The following LRRC1 variants were observed in gnomAD, a reference collection of about 807,000 sequenced individuals.
The protein encoded by LRRC1 is leucine rich repeat containing 1, also known as leucine-rich repeat-containing protein 1.
Under a neutral mutation model 69.9 loss-of-function variants are expected in LRRC1, and 28 were observed. The ratio of observed to expected loss-of-function variants is 0.40; its 90% CI spans 0.30 to 0.55. The LOEUF is 0.55. Ranked by LOEUF, LRRC1 falls within the 20% of genes least tolerant of loss-of-function variation. The probability of loss-of-function intolerance (pLI) is 0.47; values close to 1 mark genes in which losing one functional copy is unlikely to be tolerated. For synonymous variants in LRRC1, 236 were observed against 240.2 expected (o/e 0.98, Z 0.16); for missense variants, 498 against 609.0 (o/e 0.82, Z 1.92).
intron 2 of LRRC1, among the ~76,000 whole-genome samples, chr6:53,873,591 G>A (rs1766971026): frequency 6.6e-6 from 1 of 152,030 alleles, no homozygotes; most frequent in African/African-American, 2.4e-5. Context: ...GAGCCACCAT[G>A]CCCGGCCGGG....
Position 53,923,020 on chromosome 6 carries a change from G to C in LRRC1, c.*227G>C. On this transcript the variant is annotated 3_prime_UTR_variant, in exon 14 of 14. Transcript: ENST00000370888. ...ATTTTTTTTTTTTTTAATTTCAGTTGTTTGTAATAAGTAGAATACACTACT... is the reference window on the plus strand; with the variant it reads ...ATTTTTTTTTTTTTTAATTTCAGTTCTTTGTAATAAGTAGAATACACTACT... The C allele has an allele frequency of 2.2e-6, 1 of 445,290 alleles. No homozygotes were observed. Among genetic ancestry groups the C allele is most frequent in the African/African-American group, 2.0e-5 (1 of 50,972 alleles). 27.6% of individuals were successfully genotyped at this position (445,290 alleles called of 1,614,324 possible).
At chr6:53,872,964 C>G (rs1766943412) in intron 2 of LRRC1, among the ~76,000 whole-genome samples, 1 of 151,892 alleles carries the variant, frequency 6.6e-6, no homozygotes, top group Non-Finnish European at 1.5e-5. Context: ...ACCATGTTGG[C>G]CAATCTGGTC....
At chr6:53,916,421 T>C (rs746849231) in intron 11 of LRRC1, among the ~76,000 whole-genome samples, 2 of 152,158 alleles carry the variant, frequency 1.3e-5, no homozygotes, top group Non-Finnish European at 2.9e-5. Flanking sequence ...GAATGAGATA[T>C]TTCTCTGTGC....
chr6:53,853,952 A>G (rs957157121), intron 2 of LRRC1, among the ~76,000 whole-genome samples: 17 of 152,194 alleles, frequency 1.1e-4, no homozygotes, highest in Non-Finnish European at 1.5e-5. Flanking sequence ...ATTTTCTGAT[A>G]TGGGTGCTGA....
chr6:53,859,991 C>G (rs936998214), intron 2 of LRRC1, among the ~76,000 whole-genome samples: 1 of 152,122 alleles, frequency 6.6e-6, no homozygotes, highest in Admixed American at 6.5e-5. Flanking sequence ...ACTTCCACCT[C>G]AGCAAAAGCT....
At chr6:53,901,687 C>T (rs138947815) in intron 8 of LRRC1, among the ~76,000 whole-genome samples, 3 of 152,144 alleles carry the variant, frequency 2.0e-5, no homozygotes, top group South Asian at 2.1e-4. Context: ...TGAGATGTTT[C>T]GGTGCTTGGC....
chr6:53,889,682 A>G (rs550935287), intron 4 of LRRC1, among the ~76,000 whole-genome samples: 2 of 152,286 alleles, frequency 1.3e-5, no homozygotes, highest in South Asian at 2.1e-4. Context: ...TCTTTTCGGT[A>G]TGATGAAAAT....
At chr6:53,840,931 T>TGC (rs1554181927) in intron 1 of LRRC1, among the ~76,000 whole-genome samples, 76 of 123,978 alleles carry the variant, frequency 6.1e-4, no homozygotes, top group African/African-American at 2.1e-3. Flanking sequence ...TGTGTGTGCG[T>TGC]GCGCGCACAT....
At chr6:53,802,673 G>A (rs1041427222) in intron 1 of LRRC1, among the ~76,000 whole-genome samples, 2 of 152,188 alleles carry the variant, frequency 1.3e-5, no homozygotes, top group Non-Finnish European at 2.9e-5. Context: ...AAATGTACCA[G>A]CAGTGACCCT....
chr6:53,799,688 G>A (rs1366887942), intron 1 of LRRC1, among the ~76,000 whole-genome samples: 2 of 152,200 alleles, frequency 1.3e-5, no homozygotes, highest in Non-Finnish European at 2.9e-5. Flanking sequence ...TCTGTTAAGG[G>A]AATATCCATC....
At chr6:53,881,092 GCTTT>G (rs1375345284) in intron 3 of LRRC1, among the ~76,000 whole-genome samples, 1 of 152,046 alleles carries the variant, frequency 6.6e-6, no homozygotes, top group East Asian at 1.9e-4. Flanking sequence ...TTTAATTCTG[GCTTT>G]CTATTTGGCA....
intron 4 of LRRC1, among the ~76,000 whole-genome samples, chr6:53,891,990 TA>T (rs11355552): frequency 0.39 from 32,563 of 83,620 alleles, 4,507 homozygotes; most frequent in East Asian, 0.66. Flanking sequence ...AGATTCTGTC[TA>T]AAAAAAAAAT....
At chr6:53,865,770 G>A (rs943716515) in intron 2 of LRRC1, among the ~76,000 whole-genome samples, 4 of 150,712 alleles carry the variant, frequency 2.7e-5, no homozygotes, top group African/African-American at 9.8e-5. Flanking sequence ...CCACCAGGCT[G>A]GAGTACAGTG....
chr6:53,865,076 C>T (rs551097787), intron 2 of LRRC1, among the ~76,000 whole-genome samples: 11 of 152,244 alleles, frequency 7.2e-5, no homozygotes, highest in Admixed American at 2.0e-4. Context: ...CCATAGTGCA[C>T]ATTTTCTTAG....
At chr6:53,816,220 T>C (rs1055803956) in intron 1 of LRRC1, among the ~76,000 whole-genome samples, 2 of 152,230 alleles carry the variant, frequency 1.3e-5, no homozygotes, top group African/African-American at 4.8e-5. Flanking sequence ...GTTTATAAAT[T>C]ATAGTGAGCA....
At position 53,911,011 on chromosome 6, in the gene LRRC1, A is replaced by C. The variant is rs559196115; in HGVS notation, c.991-2843A>C. Among the ~76,000 whole-genome samples, 10 of 152,354 alleles carry C rather than the reference A, an allele frequency of 6.6e-5. No individual in the cohort carries two copies. In the South Asian group the frequency reaches 2.1e-3, roughly 32 times the overall value. The stretch of plus-strand genomic sequence containing the variant: ...GGGGTGATTAAGGCATCCCTAGCAC[A>C]CTCTGCAACAACATGTGCTCTTTGT... On this transcript the variant is annotated intron_variant, in intron 10 of 13. Coordinates refer to ENST00000370888, the MANE Select transcript of LRRC1 (RefSeq NM_018214.5).
intron 1 of LRRC1, among the ~76,000 whole-genome samples, chr6:53,804,086 T>C (rs991980161): frequency 6.6e-6 from 1 of 152,196 alleles, no homozygotes; most frequent in South Asian, 2.1e-4. Flanking sequence ...ATGTTATTAG[T>C]GCAAATGACC....
intron 1 of LRRC1, among the ~76,000 whole-genome samples, chr6:53,796,440 C>G (rs4321822): frequency 0.86 from 130,319 of 152,100 alleles, 55,901 homozygotes; most frequent in East Asian, 0.96. Context: ...AGACTGCTGG[C>G]AGTCGGGGAT....
At chr6:53,873,244 T>C (rs1766953504) in intron 2 of LRRC1, among the ~76,000 whole-genome samples, 1 of 152,030 alleles carries the variant, frequency 6.6e-6, no homozygotes, top group South Asian at 2.1e-4. Flanking sequence ...AAAATTTCTT[T>C]TTTAGGTAGT....
Sources: allele counts gnomAD v4.1 joint callset (sites outside exome capture counted in the v4.1 genomes callset), GRCh38; gene constraint gnomAD v4.1.1; transcripts MANE v1.5; gene names NCBI Gene and HGNC (gene_info 2026-07-23, HGNC 2026-07-21).